Variants in PLXNA4 observed in about 807,000 individuals in gnomAD.
The protein encoded by PLXNA4 is plexin A4, also known as plexin-A4.
A neutral mutation model predicts 191.8 loss-of-function variants in PLXNA4; 44 were observed. That is an observed-to-expected ratio of 0.23 (90% CI 0.18 to 0.29). The LOEUF is 0.29. Among genes scored for constraint, PLXNA4 ranks in the 10% least tolerant of loss-of-function variants. The pLI, the probability that PLXNA4 is intolerant of heterozygous loss-of-function variation, is 1.00. For missense variants in PLXNA4, 1,800 were observed against 2,488.8 expected, an observed-to-expected ratio of 0.72 and a Z score of 5.89; for synonymous variants, 1,082 against 1,009.5, an observed-to-expected ratio of 1.07 and a Z score of -1.36.
chr7:132,599,419 T>G (rs187640851), intron 2 of PLXNA4, among the ~76,000 whole-genome samples: 1 of 152,368 alleles, frequency 6.6e-6, no homozygotes, highest in African/African-American at 2.4e-5. Context: ...TATTACATAT[T>G]AACTTTTTCT....
chr7:132,154,229 G>A (rs777949387), intron 25 of PLXNA4, among the ~76,000 whole-genome samples: 13 of 152,242 alleles, frequency 8.5e-5, no homozygotes, highest in South Asian at 6.2e-4. Context: ...ACGCCTGTCA[G>A]CAGGTGAAAC....
chr7:132,291,623 TAC>T (rs146508714), intron 4 of PLXNA4, among the ~76,000 whole-genome samples: 3 of 151,956 alleles, frequency 2.0e-5, no homozygotes, highest in South Asian at 4.2e-4. Context: ...TGCACATGTG[TAC>T]ACACACACAC....
At chr7:132,166,643 G>A (rs189290261) in intron 22 of PLXNA4, among the ~76,000 whole-genome samples, 30 of 151,884 alleles carry the variant, frequency 2.0e-4, no homozygotes, top group African/African-American at 5.8e-4. Context: ...GTGGGCAGCC[G>A]GGGGCAAGAA....
chr7:132,156,452 T>C (rs1297485581), intron 25 of PLXNA4, among the ~76,000 whole-genome samples: 2 of 152,122 alleles, frequency 1.3e-5, no homozygotes, highest in South Asian at 2.1e-4. Context: ...CTTGGGACAA[T>C]GACGGGGTGG....
intron 1 of PLXNA4, among the ~76,000 whole-genome samples, chr7:132,544,279 T>A (rs575964749): frequency 6.6e-6 from 1 of 152,296 alleles, no homozygotes; most frequent in Non-Finnish European, 1.5e-5. Context: ...AGAGGAGAGA[T>A]GATTTCATAT....
chr7:132,629,267 CAATTTTATCTGA>C (rs1803446083), intron 2 of PLXNA4, among the ~76,000 whole-genome samples: 1 of 152,196 alleles, frequency 6.6e-6, no homozygotes, highest in African/African-American at 2.4e-5. Context: ...ACCTCACCAT[CAATTTTATCTGA>C]TGACTCTGAG....
intron 2 of PLXNA4, among the ~76,000 whole-genome samples, chr7:132,630,839 T>C (rs1803479292): frequency 6.6e-6 from 1 of 152,218 alleles, no homozygotes; most frequent in Admixed American, 6.5e-5. Flanking sequence ...GTCATGTCAG[T>C]GGAGTTTTCG....
intron 2 of PLXNA4, among the ~76,000 whole-genome samples, chr7:132,617,631 T>G (rs967167455): frequency 6.6e-6 from 1 of 152,172 alleles, no homozygotes; most frequent in Non-Finnish European, 1.5e-5. Flanking sequence ...TCACTGAGGC[T>G]TCCTCCCATG....
At chr7:132,172,145 C>T (rs1271441859) in intron 21 of PLXNA4, among the ~76,000 whole-genome samples, 2 of 152,174 alleles carry the variant, frequency 1.3e-5, no homozygotes, top group Non-Finnish European at 2.9e-5. Flanking sequence ...CCTCCCCAGC[C>T]CAAGCAAATG....
intron 3 of PLXNA4, among the ~76,000 whole-genome samples, chr7:132,313,247 CAAGGACATGTTAAGGG>C (rs372594031): frequency 0.01 from 1,548 of 152,254 alleles, 38 homozygotes; most frequent in African/African-American, 0.036. Flanking sequence ...TAATGTGTTT[CAAGGACATGTTAAGGG>C]ATAAAATGTA....
At chr7:132,223,787 C>G in intron 8 of PLXNA4, 146 bp from the exon 9 acceptor site, 1 of 639,678 alleles carries the variant, frequency 1.6e-6, no homozygotes, top group South Asian at 1.8e-5. Context: ...TTATGCACAT[C>G]TATCCCTTTA....
intron 3 of PLXNA4, among the ~76,000 whole-genome samples, chr7:132,393,181 A>T (rs1248613528): frequency 7.2e-6 from 1 of 139,588 alleles, no homozygotes; most frequent in Non-Finnish European, 1.5e-5. Context: ...AGCAACATTG[A>T]CCCCCAACAC....
At chr7:132,423,970 A>G (rs1794944454) in intron 3 of PLXNA4, among the ~76,000 whole-genome samples, 2 of 152,090 alleles carry the variant, frequency 1.3e-5, no homozygotes, top group South Asian at 2.1e-4. Context: ...ATGGAGGTCA[A>G]TGCCTCTCAG....
In PLXNA4 at chr7:132,508,070, A is replaced by G. The variant is rs142932361; in HGVS notation, c.624T>C (p.Ser208=). Residue 208 remains serine (S), a synonymous_variant, in exon 2 of 32, where the codon TCT becomes TCC. Transcript: ENST00000321063. The surrounding 1 kb of genome is among the most constrained non-coding windows in gnomAD (Gnocchi z 4.4). ...CGTACGCGAACATGCCATCCGCCTC[A>G]GAGTTCTTGGTCAGTTTCCGGCTGG... The part of the protein sequence containing the change: ...TISSRKLTKN[S]EADGMFAYVF... 4.3e-6 allele frequency: 7 copies of G among 1,614,122 alleles called. No homozygotes were observed. The African/African-American group carries it at 9.3e-5, about 22-fold the overall frequency.
At chr7:132,311,193 T>TGTGTGTGTGTGTGTGTGTGTGTGTGCGC (rs71178034) in intron 3 of PLXNA4, among the ~76,000 whole-genome samples, 3 of 89,828 alleles carry the variant, frequency 3.3e-5, no homozygotes, top group African/African-American at 7.7e-5. Context: ...TGTGTGTGTG[T>TGTGTGTGTGTGTGTGTGTGTGTGTGCGC]GCGCGTGTGG....
intron 4 of PLXNA4, among the ~76,000 whole-genome samples, chr7:132,292,716 A>G (rs948161069): frequency 6.6e-6 from 1 of 152,226 alleles, no homozygotes; most frequent in Non-Finnish European, 1.5e-5. Flanking sequence ...CCAGGAACTT[A>G]TATGCTAATT....
intron 2 of PLXNA4, among the ~76,000 whole-genome samples, chr7:132,603,587 G>C (rs2116843237): frequency 6.6e-6 from 1 of 152,256 alleles, no homozygotes; most frequent in South Asian, 2.1e-4. Context: ...AGTCTCACAG[G>C]TAAACATCTT....
At chr7:132,442,398 A>T (rs759954) in intron 3 of PLXNA4, among the ~76,000 whole-genome samples, 114,928 of 151,888 alleles carry the variant, frequency 0.76, 46,525 homozygotes, top group Non-Finnish European at 0.91. Context: ...AAATGAGGCA[A>T]CTCCCAACCC....
At chr7:132,248,698 A>T (rs981411231) in intron 4 of PLXNA4, among the ~76,000 whole-genome samples, 5 of 152,170 alleles carry the variant, frequency 3.3e-5, no homozygotes, top group Non-Finnish European at 5.9e-5. Context: ...ATGGTCATAG[A>T]TCTACAGATC....
Sources: allele counts gnomAD v4.1 joint callset (sites outside exome capture counted in the v4.1 genomes callset), GRCh38; gene constraint gnomAD v4.1.1; non-coding constraint Gnocchi (gnomAD v3.1); transcripts MANE v1.5; gene names NCBI Gene and HGNC (gene_info 2026-07-23, HGNC 2026-07-21).